The following ZNF385B variants were observed in gnomAD, a reference collection of about 807,000 sequenced individuals.
ZNF385B encodes zinc finger protein 385B.
In ZNF385B, 23 loss-of-function variants were observed where a neutral mutation model predicts 39.2. The observed-to-expected ratio is 0.59, with a 90% CI of 0.42 to 0.83. The LOEUF is 0.83. ZNF385B is among the 40% of genes least tolerant of loss of function. The pLI is 0.00. For synonymous variants in ZNF385B, 205 were observed against 222.6 expected, an observed-to-expected ratio of 0.92 and a Z score of 0.70; for missense variants, 552 against 598.9, an observed-to-expected ratio of 0.92 and a Z score of 0.82.
intron 3 of ZNF385B, among the ~76,000 whole-genome samples, chr2:179,696,349 T>TTTTTTTTTTTTTTTTTTC (rs1698759061): frequency 7.0e-6 from 1 of 143,626 alleles, no homozygotes; most frequent in African/African-American, 2.6e-5. Context: ...TTTTTTTTTT[T>TTTTTTTTTTTTTTTTTTC]GCATCCTAGG....
At chr2:179,495,266 G>A (rs917704719) in intron 5 of ZNF385B, among the ~76,000 whole-genome samples, 3 of 152,198 alleles carry the variant, frequency 2.0e-5, no homozygotes, top group African/African-American at 7.2e-5. Context: ...GCTATGAGGT[G>A]AGTCTCCTCT....
intron 3 of ZNF385B, among the ~76,000 whole-genome samples, chr2:179,756,067 C>T (rs1260135878): frequency 6.6e-6 from 1 of 152,122 alleles, no homozygotes; most frequent in Non-Finnish European, 1.5e-5. Flanking sequence ...GCAGTTTCTT[C>T]CTAGCCTCAA....
intron 3 of ZNF385B, among the ~76,000 whole-genome samples, chr2:179,563,069 G>C (rs1684122221): frequency 6.6e-6 from 1 of 152,098 alleles, no homozygotes; most frequent in African/African-American, 2.4e-5. Flanking sequence ...AAAGACTAGG[G>C]CAGATGTCAA....
At chr2:179,743,147 G>GA (rs1702175214) in intron 3 of ZNF385B, among the ~76,000 whole-genome samples, 1 of 151,966 alleles carries the variant, frequency 6.6e-6, no homozygotes. Flanking sequence ...ATTTCAAAGA[G>GA]AAAATGTCAA....
At chr2:179,592,693 G>A (rs577463847) in intron 3 of ZNF385B, among the ~76,000 whole-genome samples, 2 of 152,084 alleles carry the variant, frequency 1.3e-5, no homozygotes, top group Admixed American at 1.3e-4. Flanking sequence ...GGTCCATATG[G>A]GGTTGTTGCA....
At chr2:179,695,599 T>C (rs560468776) in intron 3 of ZNF385B, among the ~76,000 whole-genome samples, 9 of 152,318 alleles carry the variant, frequency 5.9e-5, no homozygotes, top group Admixed American at 1.3e-4. Context: ...ATTTTAAAAA[T>C]GTTTGACCTG....
intron 3 of ZNF385B, among the ~76,000 whole-genome samples, chr2:179,664,114 T>A (rs1694852973): frequency 6.6e-6 from 1 of 151,918 alleles, no homozygotes; most frequent in South Asian, 2.1e-4. Flanking sequence ...TTGGCTTTTT[T>A]TTTTTCCTTC....
chr2:179,493,374 T>TGC (rs66652398), intron 5 of ZNF385B, among the ~76,000 whole-genome samples: 1 of 151,090 alleles, frequency 6.6e-6, no homozygotes, highest in African/African-American at 2.4e-5. Flanking sequence ...TAGGTTTGTG[T>TGC]GCGCGCGCAC....
chr2:179,776,096 A>G (rs1406979277), intron 1 of ZNF385B, among the ~76,000 whole-genome samples: 1 of 152,224 alleles, frequency 6.6e-6, no homozygotes, highest in African/African-American at 2.4e-5. Context: ...CATGAACCTC[A>G]TATTTGGGGT....
Position 179,592,470 on chromosome 2 carries a change from A to G in ZNF385B, c.299-47501T>C, listed in dbSNP as rs571419714. Among the ~76,000 whole-genome samples the G allele has an allele frequency of 2.0e-4, 30 of 152,282 alleles. 1 individual carries two copies. Among genetic ancestry groups the G allele is most frequent in the African/African-American group, 6.5e-4 (27 of 41,572 alleles). On this transcript the variant is annotated intron_variant, in intron 3 of 9. Coordinates refer to ENST00000410066, the MANE Select transcript of ZNF385B (RefSeq NM_152520.6). ...GGTAATAAGTACACCTCACTAAAAA[A>G]CTGAGAATGAAAGCATGACACTGTG...
At chr2:179,501,508 T>C (rs2056756316) in intron 5 of ZNF385B, among the ~76,000 whole-genome samples, 1 of 152,140 alleles carries the variant, frequency 6.6e-6, no homozygotes, top group South Asian at 2.1e-4. Flanking sequence ...TTCTCACTTA[T>C]TTGTGGGATC....
chr2:179,602,476 G>C (rs980831298), intron 3 of ZNF385B, among the ~76,000 whole-genome samples: 1 of 152,134 alleles, frequency 6.6e-6, no homozygotes, highest in African/African-American at 2.4e-5. Flanking sequence ...TGGGATTACA[G>C]GTGTGAGCCA....
chr2:179,691,957 C>G (rs1698389370), intron 3 of ZNF385B, among the ~76,000 whole-genome samples: 1 of 152,042 alleles, frequency 6.6e-6, no homozygotes, highest in Non-Finnish European at 1.5e-5. Flanking sequence ...TCAAATCAGG[C>G]TAACTTGGGT....
chr2:179,640,015 G>A (rs62176332), intron 3 of ZNF385B, among the ~76,000 whole-genome samples: 9,461 of 152,112 alleles, frequency 0.062, 460 homozygotes, highest in East Asian at 0.18. Context: ...CATGAGGAAA[G>A]AATCAAACAA....
chr2:179,551,599 C>T (rs1559461822), intron 3 of ZNF385B, among the ~76,000 whole-genome samples: 1 of 152,088 alleles, frequency 6.6e-6, no homozygotes, highest in Non-Finnish European at 1.5e-5. Context: ...ATGGGTAGCA[C>T]ACAGTTCCAA....
chr2:179,641,888 G>A (rs576796375), intron 3 of ZNF385B, among the ~76,000 whole-genome samples: 12 of 152,198 alleles, frequency 7.9e-5, no homozygotes, highest in Admixed American at 1.3e-4. Flanking sequence ...GTGGGAAGAA[G>A]GTACATCTGT....
At position 179,661,797 on chromosome 2, in the gene ZNF385B, T is replaced by C. The variant is rs77372285; in HGVS notation, c.298+107706A>G. ...AAGTATTCACGACTGTGGTGGTCAA[T>C]ATCAGTGTGTGCATGAACTTGTGTC... On this transcript the variant is annotated intron_variant, in intron 3 of 9. Coordinates refer to ENST00000410066, the MANE Select transcript of ZNF385B (RefSeq NM_152520.6). Among the ~76,000 whole-genome samples, 332 of 152,334 alleles carry C rather than the reference T, an allele frequency of 2.2e-3. 1 individual carries two copies. Among genetic ancestry groups the C allele is most frequent in the African/African-American group, 7.4e-3 (309 of 41,576 alleles).
chr2:179,753,577 A>T (rs975508200), intron 3 of ZNF385B, among the ~76,000 whole-genome samples: 1 of 151,944 alleles, frequency 6.6e-6, no homozygotes, highest in African/African-American at 2.4e-5. Flanking sequence ...TGACCATGGA[A>T]TTCTTCCATT....
chr2:179,714,281 T>C (rs1288184370), intron 3 of ZNF385B, among the ~76,000 whole-genome samples: 1 of 152,246 alleles, frequency 6.6e-6, no homozygotes, highest in Non-Finnish European at 1.5e-5. Flanking sequence ...AGCAACATTA[T>C]CTCAGTTAAT....
Sources: allele counts gnomAD v4.1 joint callset (sites outside exome capture counted in the v4.1 genomes callset), GRCh38; gene constraint gnomAD v4.1.1; transcripts MANE v1.5; gene names NCBI Gene and HGNC (gene_info 2026-07-23, HGNC 2026-07-21).